The following SNTG2 variants were observed in gnomAD, a reference collection of about 807,000 sequenced individuals.
SNTG2 encodes gamma-2-syntrophin.
In SNTG2, 74 loss-of-function variants were observed where a neutral mutation model predicts 70.9. The ratio of observed to expected loss-of-function variants is 1.04; its 90% CI spans 0.86 to 1.27. SNTG2 has a LOEUF of 1.27. Among genes scored for constraint, SNTG2 ranks in the 50% most tolerant of loss-of-function variants. The probability of loss-of-function intolerance (pLI) is 0.00; values close to 1 mark genes in which losing one functional copy is unlikely to be tolerated. For missense variants in SNTG2, 717 were observed against 690.7 expected, an observed-to-expected ratio of 1.04 and a Z score of -0.43; for synonymous variants, 278 against 273.8, an observed-to-expected ratio of 1.02 and a Z score of -0.15.
intron 1 of SNTG2, among the ~76,000 whole-genome samples, chr2:978,432 A>G (rs1660985088): frequency 6.6e-6 from 1 of 152,226 alleles, no homozygotes; most frequent in Non-Finnish European, 1.5e-5. Flanking sequence ...CCAAAACTTT[A>G]ATTATTATCC....
intron 2 of SNTG2, among the ~76,000 whole-genome samples, chr2:1,092,285 C>T (rs1665082400): frequency 1.3e-5 from 2 of 152,012 alleles, no homozygotes; most frequent in South Asian, 2.1e-4. Flanking sequence ...CTAGGTCCCT[C>T]GCCTTTCCCA....
intron 1 of SNTG2, among the ~76,000 whole-genome samples, chr2:1,035,177 A>G (rs1233904302): frequency 6.6e-6 from 1 of 152,238 alleles, no homozygotes; most frequent in Admixed American, 6.5e-5. Context: ...GAGAACAAAG[A>G]TACAACAATC....
At chr2:973,449 A>C (rs1310390100) in intron 1 of SNTG2, among the ~76,000 whole-genome samples, 1 of 147,842 alleles carries the variant, frequency 6.8e-6, no homozygotes, top group African/African-American at 2.5e-5. Context: ...TGTTTTGTTG[A>C]GTTTTTGCCA....
At chr2:1,252,864 T>C (rs1485442712) in intron 12 of SNTG2, among the ~76,000 whole-genome samples, 4 of 152,198 alleles carry the variant, frequency 2.6e-5, no homozygotes, top group African/African-American at 9.7e-5. Context: ...CATTGCAAAA[T>C]CAATACACAC....
At chr2:1,314,207 G>T (rs1681159440) in intron 15 of SNTG2, among the ~76,000 whole-genome samples, 1 of 152,194 alleles carries the variant, frequency 6.6e-6, no homozygotes, top group Non-Finnish European at 1.5e-5. Context: ...TCTTACTGCT[G>T]CTCACAGAGT....
At position 1,360,237 on chromosome 2, in the gene SNTG2, G is replaced by A. The variant is rs115095381; in HGVS notation, c.1489-7106G>A. ...TTGGCTGCTTTCTCCTGCAGCCTCT[G>A]GGGGACAGTCTGTTTTCTTGGCTTT... On this transcript the variant is annotated intron_variant, in intron 16 of 16. Coordinates refer to ENST00000308624, the MANE Select transcript of SNTG2 (RefSeq NM_018968.4). Among the ~76,000 whole-genome samples, 319 of 152,198 alleles carry A rather than the reference G, an allele frequency of 2.1e-3. 1 individual carries two copies. Among genetic ancestry groups the A allele is most frequent in the African/African-American group, 6.8e-3 (281 of 41,538 alleles).
chr2:981,574 T>C (rs1452792223), intron 1 of SNTG2, among the ~76,000 whole-genome samples: 4 of 151,600 alleles, frequency 2.6e-5, no homozygotes, highest in Non-Finnish European at 5.9e-5. Context: ...TGCACACACA[T>C]ACGTATTCAA....
intron 1 of SNTG2, among the ~76,000 whole-genome samples, chr2:1,009,155 G>A (rs6745855): frequency 0.022 from 3,009 of 133,974 alleles, 104 homozygotes; most frequent in African/African-American, 0.076. Flanking sequence ...AGCCACACCT[G>A]TGTCCCCGGG....
At chr2:1,099,089 T>C (rs2148213993) in intron 4 of SNTG2, among the ~76,000 whole-genome samples, 1 of 152,364 alleles carries the variant, frequency 6.6e-6, no homozygotes, top group South Asian at 2.1e-4. Flanking sequence ...GTAAACTCCA[T>C]GCATCTGTCT....
chr2:1,218,278 C>T (rs575607370), intron 9 of SNTG2, among the ~76,000 whole-genome samples: 25 of 152,274 alleles, frequency 1.6e-4, no homozygotes, highest in Non-Finnish European at 2.5e-4. Flanking sequence ...TGAGTTGAGA[C>T]GTTGATTGCA....
intron 8 of SNTG2, among the ~76,000 whole-genome samples, chr2:1,184,909 C>T (rs1226336786): frequency 6.6e-6 from 1 of 152,148 alleles, no homozygotes; most frequent in Non-Finnish European, 1.5e-5. Context: ...CTCATGTCAG[C>T]ATTAACTCAA....
intron 1 of SNTG2, among the ~76,000 whole-genome samples, chr2:997,742 G>A (rs376127158): frequency 2.9e-4 from 44 of 152,294 alleles, no homozygotes; most frequent in Admixed American, 7.8e-4. Flanking sequence ...CCAGGCCACC[G>A]GGCATTCCAG....
chr2:1,100,578 C>T (rs888309305), intron 4 of SNTG2, among the ~76,000 whole-genome samples: 2 of 152,118 alleles, frequency 1.3e-5, no homozygotes, highest in Non-Finnish European at 2.9e-5. Flanking sequence ...TGCTTTGGCT[C>T]ATATAAAGTG....
chr2:1,249,944 C>G (rs1182850197), intron 12 of SNTG2, among the ~76,000 whole-genome samples: 1 of 152,124 alleles, frequency 6.6e-6, no homozygotes, highest in Non-Finnish European at 1.5e-5. Flanking sequence ...GGGTCTGAAA[C>G]CAGGATATGG....
intron 1 of SNTG2, among the ~76,000 whole-genome samples, chr2:1,066,841 T>G (rs1464700363): frequency 6.6e-6 from 1 of 152,128 alleles, no homozygotes; most frequent in Non-Finnish European, 1.5e-5. Context: ...CAGCTTCTCG[T>G]GTGGTTGTAA....
In SNTG2 at chr2:1,047,749, G is replaced by GC. The variant is rs555294947; in HGVS notation, c.73-35766dup. The stretch of plus-strand genomic sequence containing the variant: ...TCCTTTTTATTTCCTCATGTTTGCA[G>GC]CCCTCTCCCTTTCAGTGTTCTGAGA... On this transcript the variant is annotated intron_variant, in intron 1 of 16. Transcript: ENST00000308624. Among the ~76,000 whole-genome samples, 163 of 152,264 alleles carry GC rather than the reference G, an allele frequency of 1.1e-3. No individual in the cohort carries two copies. In the Middle Eastern group the frequency reaches 0.014, roughly 13 times the overall value.
chr2:1,157,506 A>G (rs1333319910), intron 6 of SNTG2, among the ~76,000 whole-genome samples: 1 of 152,226 alleles, frequency 6.6e-6, no homozygotes, highest in Non-Finnish European at 1.5e-5. Flanking sequence ...GAAAAAGTCC[A>G]GGGCTGTGCA....
intron 4 of SNTG2, among the ~76,000 whole-genome samples, chr2:1,111,797 GTAC>G (rs957405439): frequency 6.6e-6 from 1 of 152,232 alleles, no homozygotes; most frequent in African/African-American, 2.4e-5. Flanking sequence ...AAGATCGTGT[GTAC>G]TAAGTGAGGT....
chr2:1,222,029 CTATCTCTG>C (rs1675106276), intron 9 of SNTG2, among the ~76,000 whole-genome samples: 1 of 3,174 alleles, frequency 3.2e-4, no homozygotes, highest in Non-Finnish European at 8.5e-4. Flanking sequence ...CTGTCTCTGC[CTATCTCTG>C]TCTCTCTCTG....
Sources: allele counts gnomAD v4.1 joint callset (sites outside exome capture counted in the v4.1 genomes callset), GRCh38; gene constraint gnomAD v4.1.1; transcripts MANE v1.5; gene names NCBI Gene and HGNC (gene_info 2026-07-23, HGNC 2026-07-21).